Variants in SNX29 observed in about 807,000 individuals in gnomAD.
The protein encoded by SNX29 is sorting nexin-29.
SNX29 carries 78 observed loss-of-function variants against 102.1 expected under a neutral mutation model. The ratio of observed to expected loss-of-function variants is 0.76; its 90% CI spans 0.64 to 0.92. SNX29 has a LOEUF of 0.92. SNX29 is among the 40% of genes least tolerant of loss of function. The probability of loss-of-function intolerance (pLI) is 0.00; values close to 1 mark genes in which losing one functional copy is unlikely to be tolerated. For missense variants in SNX29, 1,280 were observed against 1,061.7 expected, an observed-to-expected ratio of 1.21 and a Z score of -2.86; for synonymous variants, 580 against 414.5, an observed-to-expected ratio of 1.40 and a Z score of -4.85.
At chr16:12,268,619 C>T (rs1192881711) in intron 14 of SNX29, among the ~76,000 whole-genome samples, 1 of 152,170 alleles carries the variant, frequency 6.6e-6, no homozygotes, top group Non-Finnish European at 1.5e-5. Context: ...CCCAAATTTC[C>T]TAAGACACAG....
chr16:12,076,016 G>T (rs918762832), intron 10 of SNX29, among the ~76,000 whole-genome samples: 1 of 152,296 alleles, frequency 6.6e-6, no homozygotes, highest in African/African-American at 2.4e-5. Flanking sequence ...TAAGCCCTTC[G>T]GAAAAGCGCA....
At chr16:12,284,191 C>T (rs931417274) in intron 15 of SNX29, among the ~76,000 whole-genome samples, 2 of 152,370 alleles carry the variant, frequency 1.3e-5, no homozygotes, top group African/African-American at 2.4e-5. Context: ...TCGCTGCCTT[C>T]TGCAGCCTGG....
intron 15 of SNX29, among the ~76,000 whole-genome samples, chr16:12,320,191 G>A (rs984202013): frequency 1.3e-5 from 2 of 152,116 alleles, no homozygotes; most frequent in African/African-American, 4.8e-5. Context: ...CCCAGGGGGA[G>A]GTCTCCCTCT....
At chr16:12,208,400 G>A (rs928986215) in intron 14 of SNX29, among the ~76,000 whole-genome samples, 3 of 131,754 alleles carry the variant, frequency 2.3e-5, no homozygotes, top group South Asian at 4.8e-4. Flanking sequence ...CTTACTTTGG[G>A]GTTTGTAAGC....
intron 20 of SNX29, among the ~76,000 whole-genome samples, chr16:12,559,917 T>G (rs1448494408): frequency 6.6e-6 from 1 of 152,140 alleles, no homozygotes; most frequent in Non-Finnish European, 1.5e-5. Context: ...AGGTGGAGCT[T>G]GCAGTGAGTC....
intron 19 of SNX29, among the ~76,000 whole-genome samples, chr16:12,498,046 G>A (rs2088919668): frequency 6.6e-6 from 1 of 152,222 alleles, no homozygotes; most frequent in African/African-American, 2.4e-5. Flanking sequence ...ACAGCCTGTG[G>A]GGAGAAGGGA....
intron 11 of SNX29, among the ~76,000 whole-genome samples, chr16:12,113,370 C>T (rs1315484034): frequency 6.6e-6 from 1 of 152,134 alleles, no homozygotes; most frequent in Admixed American, 6.6e-5. Flanking sequence ...AACCTGGCCC[C>T]TCCTGACTAC....
At chr16:12,516,616 G>A (rs768624994) in intron 19 of SNX29, among the ~76,000 whole-genome samples, 4 of 152,020 alleles carry the variant, frequency 2.6e-5, no homozygotes, top group African/African-American at 4.8e-5. Flanking sequence ...TGACTCCAAA[G>A]CAGATATCTC....
chr16:12,342,756 G>C (rs1246904329), intron 15 of SNX29, among the ~76,000 whole-genome samples: 2 of 152,186 alleles, frequency 1.3e-5, no homozygotes, highest in African/African-American at 2.4e-5. Flanking sequence ...GCAAGTTACT[G>C]GCAGACTGGG....
rs1231844810 is a variant in SNX29 at position 12,573,922 on chromosome 16, T to C, written c.*5293T>C. On this transcript the variant is annotated 3_prime_UTR_variant, in exon 21 of 21. Coordinates refer to ENST00000566228, the MANE Select transcript of SNX29 (RefSeq NM_032167.5). ...CGCTTACTCACCTGACACCGACTTC[T>C]TAGAGAAGCGAGTCTTTTTTGAATG... 1 of 202,644 alleles carries C rather than the reference T, an allele frequency of 4.9e-6. No homozygotes were observed. Among genetic ancestry groups the C allele is most frequent in the African/African-American group, 2.3e-5 (1 of 43,614 alleles). 12.6% of individuals were successfully genotyped at this position (202,644 alleles called of 1,614,324 possible).
chr16:12,010,488 C>T (rs1194170518), intron 3 of SNX29, among the ~76,000 whole-genome samples: 1 of 151,998 alleles, frequency 6.6e-6, no homozygotes, highest in African/African-American at 2.4e-5. Flanking sequence ...TAGCCAGGTG[C>T]GGTGGTGCAG....
chr16:12,256,589 A>G (rs557710091), intron 14 of SNX29, among the ~76,000 whole-genome samples: 4 of 152,294 alleles, frequency 2.6e-5, no homozygotes, highest in African/African-American at 9.6e-5. Flanking sequence ...CGGCCCCCAA[A>G]GTGTTGGGAT....
At chr16:12,433,117 C>A (rs1050046955) in intron 18 of SNX29, among the ~76,000 whole-genome samples, 1 of 152,196 alleles carries the variant, frequency 6.6e-6, no homozygotes, top group Non-Finnish European at 1.5e-5. Flanking sequence ...GTGTGTGTCC[C>A]GTTCCTTTCA....
In SNX29 at chr16:12,572,822, C is replaced by G. The variant is rs1053257483; in HGVS notation, c.*4193C>G. 3.8e-6 allele frequency: 4 copies of G among 1,063,908 alleles called. No individual in the cohort carries two copies. The African/African-American group carries it at 6.6e-5, about 17-fold the overall frequency. 65.9% of individuals were successfully genotyped at this position (1,063,908 alleles called of 1,614,324 possible). ...GTACATCAGACTGGTTAGGAGGCAT[C>G]CCAGAAGGGGCAGCCTCATGCCCAG... On this transcript the variant is annotated 3_prime_UTR_variant, in exon 21 of 21. Transcript: ENST00000566228.
chr16:11,977,780 C>G (rs545785215), intron 1 of SNX29: 9 of 152,494 alleles, frequency 5.9e-5, no homozygotes, highest in Admixed American at 5.9e-4. Flanking sequence ...TGTTTTGGTG[C>G]TAAGTCATTC....
rs545382479 is a variant in SNX29 at position 12,204,535 on chromosome 16, C to T, written c.1678+4852C>T. Reference sequence around the variant, plus strand: ...TAGCAATGGATTTTAAAGCCACGAGCTCTCCTCGGCATCCCCATTTAATTA... The same window carrying T: ...TAGCAATGGATTTTAAAGCCACGAGTTCTCCTCGGCATCCCCATTTAATTA... On this transcript the variant is annotated intron_variant, in intron 14 of 20. Coordinates refer to ENST00000566228, the MANE Select transcript of SNX29 (RefSeq NM_032167.5). 3.9e-5 allele frequency among the ~76,000 whole-genome samples: 6 copies of T among 152,278 alleles called. No individual in the cohort carries two copies. In the South Asian group the frequency reaches 1.2e-3, roughly 32 times the overall value.
intron 19 of SNX29, among the ~76,000 whole-genome samples, chr16:12,515,882 G>A (rs930700686): frequency 7.9e-5 from 12 of 152,052 alleles, no homozygotes; most frequent in East Asian, 7.7e-4. Context: ...TCTGTAACTC[G>A]ATGGTGCACC....
At chr16:12,057,816 TTA>T (rs1294430361) in intron 8 of SNX29, among the ~76,000 whole-genome samples, 2 of 83,578 alleles carry the variant, frequency 2.4e-5, no homozygotes, top group South Asian at 2.8e-4. Context: ...TATATATATT[TTA>T]TATATATATT....
At chr16:12,290,374 G>A (rs2079753772) in intron 15 of SNX29, among the ~76,000 whole-genome samples, 1 of 152,084 alleles carries the variant, frequency 6.6e-6, no homozygotes, top group African/African-American at 2.4e-5. Flanking sequence ...TTCGCTGGCT[G>A]ACTTCTGATC....
Sources: gnomAD v4.1 joint callset for allele counts (sites outside exome capture counted in the v4.1 genomes callset) on GRCh38, gnomAD v4.1.1 for gene constraint, MANE v1.5 for transcripts, NCBI Gene and HGNC (gene_info 2026-07-23, HGNC 2026-07-21) for gene names.